Variants in WWOX observed in about 807,000 individuals in gnomAD.
The protein encoded by WWOX is WW domain-containing oxidoreductase.
A neutral mutation model predicts 46.2 loss-of-function variants in WWOX; 69 were observed. The ratio of observed to expected loss-of-function variants is 1.49; its 90% CI spans 1.23 to 1.82. WWOX has a LOEUF of 1.82. WWOX is among the 40% of genes most tolerant of loss of function. The probability of loss-of-function intolerance (pLI) is 0.00; values close to 1 mark genes in which losing one functional copy is unlikely to be tolerated. For synonymous variants in WWOX, 359 were observed against 202.6 expected (o/e 1.77, Z -6.56); for missense variants, 919 against 542.6 (o/e 1.69, Z -6.89).
intron 8 of WWOX, among the ~76,000 whole-genome samples, chr16:79,121,025 T>C (rs2049620160): frequency 6.6e-6 from 1 of 152,216 alleles, no homozygotes; most frequent in Admixed American, 6.5e-5. Context: ...TGCCTTGGCC[T>C]CCCAAAGTGC....
At chr16:78,431,172 G>T (rs1192289676) in intron 7 of WWOX, among the ~76,000 whole-genome samples, 2 of 152,158 alleles carry the variant, frequency 1.3e-5, no homozygotes. Flanking sequence ...ACAAACAGCT[G>T]GTGTTTAACG....
chr16:78,573,872 C>G (rs2044780933), intron 8 of WWOX, among the ~76,000 whole-genome samples: 1 of 152,204 alleles, frequency 6.6e-6, no homozygotes, highest in Non-Finnish European at 1.5e-5. Flanking sequence ...AAACAGCACA[C>G]ATTTATTATT....
intron 8 of WWOX, among the ~76,000 whole-genome samples, chr16:78,815,029 G>A (rs924173909): frequency 6.6e-6 from 1 of 152,144 alleles, no homozygotes; most frequent in Non-Finnish European, 1.5e-5. Flanking sequence ...TTCCTCTGTA[G>A]AAGGTTTCGT....
Position 78,104,231 on chromosome 16 carries a change from AACACACAC to A in WWOX, c.108-4159_108-4152del, listed in dbSNP as rs376622174. On this transcript the variant is annotated intron_variant, in intron 1 of 8. Coordinates refer to ENST00000566780, the MANE Select transcript of WWOX (RefSeq NM_016373.4). ...CCCTGCTAACTTACACTGTGCTCAA[AACACACAC>A]ACACACACACACACACACACACACA... Among the ~76,000 whole-genome samples, 1,033 of 130,208 alleles carry A rather than the reference AACACACAC, an allele frequency of 7.9e-3. 7 individuals carry two copies. The highest frequency in any genetic ancestry group is 0.014 in the African/African-American group (490 of 34,056). 85.4% of individuals were successfully genotyped at this position (130,208 alleles called of 152,430 possible). A position where few individuals can be genotyped will look rare whatever the true frequency, so the allele number is the denominator to read the frequency against.
chr16:79,002,819 C>A (rs1485251564), intron 8 of WWOX, among the ~76,000 whole-genome samples: 2 of 152,142 alleles, frequency 1.3e-5, no homozygotes, highest in Non-Finnish European at 2.9e-5. Context: ...AACCCATGCT[C>A]ATAATCACTA....
At chr16:78,299,906 T>C (rs2080009686) in intron 5 of WWOX, among the ~76,000 whole-genome samples, 1 of 152,146 alleles carries the variant, frequency 6.6e-6, no homozygotes, top group Non-Finnish European at 1.5e-5. Context: ...GCAGGTTGTT[T>C]CCACTACTGT....
rs1011821076 is a variant in WWOX at position 78,829,364 on chromosome 16, A to T, written c.1057-382244A>T. On this transcript the variant is annotated intron_variant, in intron 8 of 8. Transcript: ENST00000566780. ...AGAGAGAAAATTATTTCTTACTCAGACTTTTGTTTTATTCGGGCCTTCAAC... is the reference window on the plus strand; with the variant it reads ...AGAGAGAAAATTATTTCTTACTCAGTCTTTTGTTTTATTCGGGCCTTCAAC... Among the ~76,000 whole-genome samples, 3 of 152,126 alleles carry T rather than the reference A, an allele frequency of 2.0e-5. No homozygotes were observed. In the East Asian group the frequency reaches 5.8e-4, roughly 29 times the overall value.
chr16:78,149,862 A>C (rs1177162153), intron 4 of WWOX, among the ~76,000 whole-genome samples: 1 of 152,102 alleles, frequency 6.6e-6, no homozygotes, highest in African/African-American at 2.4e-5. Context: ...TCTTAACCCT[A>C]AAGGAAGGAA....
chr16:78,432,787 G>A (rs747568386), intron 8 of WWOX, 35 bp downstream of exon 8: 3 of 1,613,772 alleles, frequency 1.9e-6, no homozygotes, highest in South Asian at 2.2e-5. Flanking sequence ...CAAACACCTT[G>A]GGTCCTAGAG....
intron 8 of WWOX, among the ~76,000 whole-genome samples, chr16:78,691,757 C>G (rs1167197326): frequency 1.3e-5 from 2 of 152,076 alleles, no homozygotes; most frequent in Non-Finnish European, 2.9e-5. Flanking sequence ...CTTGCAGTAT[C>G]CCTGTAGGAG....
intron 8 of WWOX, among the ~76,000 whole-genome samples, chr16:78,972,491 A>T (rs1000470969): frequency 6.6e-6 from 1 of 151,590 alleles, no homozygotes. Flanking sequence ...AAAATAAAAG[A>T]ACCTGAAGCC....
chr16:78,284,634 A>T (rs1486562783), intron 5 of WWOX, among the ~76,000 whole-genome samples: 1 of 152,218 alleles, frequency 6.6e-6, no homozygotes, highest in African/African-American at 2.4e-5. Context: ...AAATCAATCA[A>T]CAAACTTGAG....
At chr16:78,327,594 C>G (rs2080654831) in intron 5 of WWOX, among the ~76,000 whole-genome samples, 1 of 152,170 alleles carries the variant, frequency 6.6e-6, no homozygotes, top group Non-Finnish European at 1.5e-5. Flanking sequence ...CTCCAACTCC[C>G]ACTGGAAAAC....
intron 6 of WWOX, among the ~76,000 whole-genome samples, chr16:78,398,482 T>G (rs1054877051): frequency 6.6e-6 from 1 of 152,212 alleles, no homozygotes; most frequent in African/African-American, 2.4e-5. Context: ...GGATTGCTTG[T>G]GTCACGTCCT....
intron 5 of WWOX, among the ~76,000 whole-genome samples, chr16:78,347,807 T>C (rs900069913): frequency 4.1e-5 from 5 of 122,274 alleles, no homozygotes; most frequent in African/African-American, 1.4e-4. Flanking sequence ...CTGGCCTTTT[T>C]TCTTATCTCT....
At chr16:78,820,178 A>G (rs1378937461) in intron 8 of WWOX, among the ~76,000 whole-genome samples, 2 of 152,102 alleles carry the variant, frequency 1.3e-5, no homozygotes, top group Non-Finnish European at 2.9e-5. Flanking sequence ...ACATAGGAGA[A>G]GCCCCCAGCC....
intron 8 of WWOX, among the ~76,000 whole-genome samples, chr16:78,888,731 GA>G (rs1244994142): frequency 1.3e-5 from 2 of 152,196 alleles, no homozygotes; most frequent in African/African-American, 4.8e-5. Context: ...ACTAGACAAC[GA>G]AATACATTCC....
At chr16:78,173,701 G>A (rs2035238239) in intron 5 of WWOX, among the ~76,000 whole-genome samples, 1 of 152,156 alleles carries the variant, frequency 6.6e-6, no homozygotes, top group Admixed American at 6.5e-5. Flanking sequence ...TGCAGGGAAA[G>A]CTAACTTGTC....
intron 8 of WWOX, among the ~76,000 whole-genome samples, chr16:78,983,612 A>T (rs956578929): frequency 6.6e-6 from 1 of 151,866 alleles, no homozygotes; most frequent in East Asian, 1.9e-4. Flanking sequence ...TATTTTCTAG[A>T]CTCTCCTGGT....
Sources: allele counts gnomAD v4.1 joint callset (sites outside exome capture counted in the v4.1 genomes callset), GRCh38; gene constraint gnomAD v4.1.1; transcripts MANE v1.5; gene names NCBI Gene and HGNC (gene_info 2026-07-23, HGNC 2026-07-21).